Variants in PTCHD4 observed in about 807,000 individuals in gnomAD.
PTCHD4 encodes patched domain containing 4.
Under a neutral mutation model 58.1 loss-of-function variants are expected in PTCHD4, and 33 were observed. That is an observed-to-expected ratio of 0.57 (90% CI 0.43 to 0.76). The LOEUF (loss-of-function observed/expected upper bound fraction) is 0.76, where lower values mean the gene tolerates loss of function less well. PTCHD4 is among the 30% of genes least tolerant of loss of function. The pLI, the probability that PTCHD4 is intolerant of heterozygous loss-of-function variation, is 0.00. For synonymous variants in PTCHD4, 478 were observed against 409.6 expected, an observed-to-expected ratio of 1.17 and a Z score of -2.02; for missense variants, 1,058 against 1,027.1, an observed-to-expected ratio of 1.03 and a Z score of -0.41.
intron 3 of PTCHD4, among the ~76,000 whole-genome samples, chr6:48,021,137 T>C (rs1340795257): frequency 2.0e-5 from 3 of 152,128 alleles, no homozygotes; most frequent in Non-Finnish European, 4.4e-5. Context: ...TTAAAAATAG[T>C]ATAAAATCTA....
chr6:47,870,071 C>A lies in PTCHD4; in HGVS notation c.*8232G>T, dbSNP rs1198306820. 6.6e-6 allele frequency among the ~76,000 whole-genome samples: 1 copy of A among 151,610 alleles called. No individual in the cohort carries two copies. The highest frequency in any genetic ancestry group is 1.9e-4 in the East Asian group (1 of 5,156). ...TATACACCTGTATAATTTATCACTA[C>A]TTTAATATATAAATTATTTCTATTA... On this transcript the variant is annotated 3_prime_UTR_variant, in exon 5 of 5. Transcript: ENST00000339488.
chr6:47,915,400 C>G (rs773855263), intron 4 of PTCHD4, among the ~76,000 whole-genome samples: 2 of 151,998 alleles, frequency 1.3e-5, no homozygotes, highest in Admixed American at 1.3e-4. Flanking sequence ...TTATGGAGAT[C>G]GCTTCAAGAT....
chr6:48,084,297 G>T (rs1391854834), intron 1 of PTCHD4, among the ~76,000 whole-genome samples: 1 of 152,156 alleles, frequency 6.6e-6, no homozygotes, highest in African/African-American at 2.4e-5. Flanking sequence ...TTTAACATGT[G>T]ATTACATTTC....
At chr6:47,963,938 G>T (rs529150181) in intron 4 of PTCHD4, among the ~76,000 whole-genome samples, 1 of 152,280 alleles carries the variant, frequency 6.6e-6, no homozygotes, top group Non-Finnish European at 1.5e-5. Context: ...GAACTTAAAG[G>T]TTTTGACATA....
At chr6:47,903,026 A>T (rs7775771) in intron 4 of PTCHD4, among the ~76,000 whole-genome samples, 100,130 of 152,034 alleles carry the variant, frequency 0.66, 33,293 homozygotes, top group East Asian at 0.78. Context: ...AAAAGGTACA[A>T]GTTGTCTTGG....
intron 4 of PTCHD4, among the ~76,000 whole-genome samples, chr6:47,926,809 G>A (rs981726526): frequency 1.3e-4 from 20 of 152,178 alleles, no homozygotes; most frequent in African/African-American, 4.6e-4. Flanking sequence ...CTTCAGGGTA[G>A]ATGTGAGGAT....
chr6:47,944,295 A>T (rs1766339397), intron 4 of PTCHD4, among the ~76,000 whole-genome samples: 1 of 152,160 alleles, frequency 6.6e-6, no homozygotes, highest in South Asian at 2.1e-4. Flanking sequence ...ATAAGTAAGG[A>T]TAACCCCTAA....
rs935141144 is a variant in PTCHD4 at position 47,878,566 on chromosome 6, A to G, written c.2269T>C (p.Leu757=). 1 of 1,613,454 alleles carries G rather than the reference A, an allele frequency of 6.2e-7. No individual in the cohort carries two copies. The highest frequency in any genetic ancestry group is 1.3e-5 in the African/African-American group (1 of 74,904). Residue 757 remains leucine (L), a synonymous_variant, in exon 5 of 5, where the codon TTG becomes CTG. Transcript: ENST00000339488. ...ATAAGAAAAGAAGTAACATTTTGCA[A>G]AATGGCTGTCCCATGGTCTTGCAAG... ...SSLQDHGTAI[L]QNVTSFLIGL... is the part of the protein sequence containing the mutation.
intron 3 of PTCHD4, among the ~76,000 whole-genome samples, chr6:48,048,684 G>A (rs182209446): frequency 2.0e-5 from 3 of 152,020 alleles, no homozygotes; most frequent in East Asian, 1.9e-4. Flanking sequence ...CCAAAATGAG[G>A]AAGATGAATT....
chr6:48,059,260 G>A (rs1430598998), intron 3 of PTCHD4, among the ~76,000 whole-genome samples: 1 of 152,168 alleles, frequency 6.6e-6, no homozygotes, highest in Non-Finnish European at 1.5e-5. Context: ...ATTAGAGTAT[G>A]AGAAGTACTG....
intron 4 of PTCHD4, among the ~76,000 whole-genome samples, chr6:47,899,145 T>G (rs1581846653): frequency 6.6e-6 from 1 of 152,302 alleles, no homozygotes; most frequent in South Asian, 2.1e-4. Flanking sequence ...AAATATCACA[T>G]CCGCCACAAC....
intron 4 of PTCHD4, among the ~76,000 whole-genome samples, chr6:47,885,106 A>G (rs931459723): frequency 6.6e-6 from 1 of 152,216 alleles, no homozygotes; most frequent in African/African-American, 2.4e-5. Flanking sequence ...ACTGCATTAG[A>G]TTAATATAAT....
At chr6:48,084,735 C>CTT (rs537327491) in intron 1 of PTCHD4, among the ~76,000 whole-genome samples, 15 of 137,914 alleles carry the variant, frequency 1.1e-4, no homozygotes, top group South Asian at 2.3e-4. Context: ...TTCTTTCTTT[C>CTT]TTTTTTTTTT....
chr6:48,042,705 T>A (rs1763888647), intron 3 of PTCHD4, among the ~76,000 whole-genome samples: 1 of 151,862 alleles, frequency 6.6e-6, no homozygotes, highest in Non-Finnish European at 1.5e-5. Flanking sequence ...TGCATTGCAG[T>A]TTTCTTATTT....
rs935892385 is a variant in PTCHD4 at position 47,859,539 on chromosome 6, C to T, written c.*18764G>A. The stretch of plus-strand genomic sequence containing the variant: ...CTACCTGAACTAATTTCTTCCCTCC[C>T]TCCCTCCTTTCCTTCCTTCCTTTGT... On this transcript the variant is annotated 3_prime_UTR_variant, in exon 5 of 5. Transcript: ENST00000339488. 6.6e-6 allele frequency among the ~76,000 whole-genome samples: 1 copy of T among 151,920 alleles called. No individual in the cohort carries two copies. Among genetic ancestry groups the T allele is most frequent in the Non-Finnish European group, 1.5e-5 (1 of 67,942 alleles).
At position 47,871,319 on chromosome 6, in the gene PTCHD4, A is replaced by T. The variant is rs1263909494; in HGVS notation, c.*6984T>A. ...AATAATGGTAACTTTGTCTCTTTCTATTTGCCTAGAATAAACAAACAAACA... is the reference window on the plus strand; with the variant it reads ...AATAATGGTAACTTTGTCTCTTTCTTTTTGCCTAGAATAAACAAACAAACA... On this transcript the variant is annotated 3_prime_UTR_variant, in exon 5 of 5. Transcript: ENST00000339488. Among the ~76,000 whole-genome samples, 1 of 151,590 alleles carries T rather than the reference A, an allele frequency of 6.6e-6. No individual in the cohort carries two copies. The highest frequency in any genetic ancestry group is 2.4e-5 in the African/African-American group (1 of 41,372).
At chr6:48,014,987 C>T (rs187969472) in intron 3 of PTCHD4, among the ~76,000 whole-genome samples, 1 of 152,272 alleles carries the variant, frequency 6.6e-6, no homozygotes, top group African/African-American at 2.4e-5. Context: ...CAATGTCGTC[C>T]TCTCCACTAA....
In PTCHD4 at chr6:47,859,209, C is replaced by T. The variant is rs1365382587; in HGVS notation, c.*19094G>A. 6.6e-6 allele frequency among the ~76,000 whole-genome samples: 1 copy of T among 152,008 alleles called. No homozygotes were observed. Among genetic ancestry groups the T allele is most frequent in the African/African-American group, 2.4e-5 (1 of 41,424 alleles). ...AGAAGCAGCAGGCTACCAATTGCTCCCATTTAAGGATGTGGCTGCCATGAT... is the reference window on the plus strand; with the variant it reads ...AGAAGCAGCAGGCTACCAATTGCTCTCATTTAAGGATGTGGCTGCCATGAT... On this transcript the variant is annotated 3_prime_UTR_variant, in exon 5 of 5. Transcript: ENST00000339488.
chr6:47,913,979 G>C (rs892869315), intron 4 of PTCHD4, among the ~76,000 whole-genome samples: 1 of 152,092 alleles, frequency 6.6e-6, no homozygotes, highest in Non-Finnish European at 1.5e-5. Context: ...GAATATATGT[G>C]ATGTACAAGT....
Sources: gnomAD v4.1 joint callset for allele counts (sites outside exome capture counted in the v4.1 genomes callset) on GRCh38, gnomAD v4.1.1 for gene constraint, MANE v1.5 for transcripts, NCBI Gene and HGNC (gene_info 2026-07-23, HGNC 2026-07-21) for gene names.